Variants in DCHS2 observed in about 807,000 individuals in gnomAD.
The protein encoded by DCHS2 is protocadherin-23.
A neutral mutation model predicts 182.4 loss-of-function variants in DCHS2; 142 were observed. The ratio of observed to expected loss-of-function variants is 0.78; its 90% CI spans 0.68 to 0.89. The LOEUF is 0.89. DCHS2 is among the 40% of genes least tolerant of loss of function. The pLI is 0.00. For synonymous variants in DCHS2, 1,740 were observed against 1,663.3 expected (o/e 1.05, Z -1.12); for missense variants, 4,319 against 4,198.6 (o/e 1.03, Z -0.79).
chr4:154,278,731 A>G (rs2111228373), intron 13 of DCHS2, among the ~76,000 whole-genome samples: 1 of 152,242 alleles, frequency 6.6e-6, no homozygotes, highest in East Asian at 1.9e-4. Flanking sequence ...AGGATGATGT[A>G]CTCAAAGGGC....
At chr4:154,425,689 C>T (rs1479156312) in intron 1 of DCHS2, among the ~76,000 whole-genome samples, 1 of 152,124 alleles carries the variant, frequency 6.6e-6, no homozygotes, top group Non-Finnish European at 1.5e-5. Context: ...CACACAGCTC[C>T]GAGGGAACTC....
chr4:154,325,180 T>TC (rs1180700731), intron 7 of DCHS2, among the ~76,000 whole-genome samples: 1 of 152,112 alleles, frequency 6.6e-6, no homozygotes, highest in Admixed American at 6.6e-5. Flanking sequence ...CAAATCTCAT[T>TC]CCCCTCCTTT....
At chr4:154,366,471 T>G in intron 2 of DCHS2, 30 bp from the exon 3 acceptor site, 1 of 1,515,512 alleles carries the variant, frequency 6.6e-7, no homozygotes, top group Non-Finnish European at 9.1e-7. Context: ...TGATTACAAA[T>G]GGGTTTTTGC....
chr4:154,490,956 C>G lies in DCHS2; in HGVS notation c.400G>C (p.Glu134Gln), dbSNP rs1324541908. The G allele has an allele frequency of 1.3e-6, 2 of 1,550,426 alleles. No homozygotes were observed. The highest frequency in any genetic ancestry group is 1.2e-5 in the South Asian group (1 of 83,984). Residue 134 changes from glutamate to glutamine, a missense_variant, in exon 1 of 20, where the codon GAG becomes CAG. Transcript: ENST00000357232. ...ACGAAGCTGTAGTGGTCCCGCCGCT[C>G]GCGGTCCAGGCGCCGCGCAGTGCGG... ...IIRTARRLDR[E>Q]RRDHYSFVAA...
chr4:154,405,297 CTTTG>C (rs1245685940), intron 1 of DCHS2, among the ~76,000 whole-genome samples: 2 of 151,730 alleles, frequency 1.3e-5, no homozygotes, highest in East Asian at 1.9e-4. Context: ...TTATCTTTAT[CTTTG>C]TTTGGTTTTT....
intron 10 of DCHS2, among the ~76,000 whole-genome samples, chr4:154,306,292 G>A (rs1222917894): frequency 6.6e-6 from 1 of 151,920 alleles, no homozygotes; most frequent in Non-Finnish European, 1.5e-5. Flanking sequence ...TAATAACATA[G>A]GACCAATGTA....
chr4:154,474,982 T>C (rs1296455910), intron 1 of DCHS2, among the ~76,000 whole-genome samples: 2 of 152,170 alleles, frequency 1.3e-5, no homozygotes, highest in Admixed American at 1.3e-4. Context: ...TCCTAAGTTA[T>C]GAACCAGTAG....
rs1173517203 is a variant in DCHS2, at chr4:154,305,094, T to C, written c.5395+3A>G. On this transcript the variant is annotated splice_donor_region_variant and intron_variant, in intron 11 of 19. Coordinates refer to ENST00000357232, the MANE Select transcript of DCHS2 (RefSeq NM_001358235.2). Reference sequence around the variant, plus strand: ...TTTTTAGCCTACTCAAAGAATCCCTTACCTCGAAGGGTGAAGACTTCTTGA... The same window carrying C: ...TTTTTAGCCTACTCAAAGAATCCCTCACCTCGAAGGGTGAAGACTTCTTGA... 1.2e-6 allele frequency: 2 copies of C among 1,600,686 alleles called. No homozygotes were observed. Among genetic ancestry groups the C allele is most frequent in the African/African-American group, 2.7e-5 (2 of 74,320 alleles).
At chr4:154,386,841 A>G (rs1424504043) in intron 1 of DCHS2, among the ~76,000 whole-genome samples, 2 of 152,212 alleles carry the variant, frequency 1.3e-5, no homozygotes, top group Non-Finnish European at 2.9e-5. Flanking sequence ...GGTTCGTGAC[A>G]CTCATCAAAC....
At position 154,311,257 on chromosome 4, in the gene DCHS2, G is replaced by A. The variant is rs544401020; in HGVS notation, c.5260+4491C>T. Among the ~76,000 whole-genome samples, 3 of 152,150 alleles carry A rather than the reference G, an allele frequency of 2.0e-5. No homozygotes were observed. The South Asian group carries it at 6.2e-4, about 32-fold the overall frequency. Reference sequence around the variant, plus strand: ...TCTTTTCTTTTCTTTTTTTAAGACAGCATCTCACTCTGCCACCCAGGCTGG... The same window carrying A: ...TCTTTTCTTTTCTTTTTTTAAGACAACATCTCACTCTGCCACCCAGGCTGG... On this transcript the variant is annotated intron_variant, in intron 10 of 19. Coordinates refer to ENST00000357232, the MANE Select transcript of DCHS2 (RefSeq NM_001358235.2).
At chr4:154,352,055 G>GCA (rs374256511) in intron 3 of DCHS2, among the ~76,000 whole-genome samples, 26 of 150,142 alleles carry the variant, frequency 1.7e-4, no homozygotes, top group African/African-American at 4.6e-4. Flanking sequence ...ACAGACACAT[G>GCA]CACACACACA....
At chr4:154,350,030 C>T (rs1729533718) in intron 3 of DCHS2, among the ~76,000 whole-genome samples, 1 of 152,158 alleles carries the variant, frequency 6.6e-6, no homozygotes, top group Non-Finnish European at 1.5e-5. Context: ...CCTGGCTGCT[C>T]CACCTACTGG....
At chr4:154,256,055 T>C (rs1221659653) in intron 15 of DCHS2, among the ~76,000 whole-genome samples, 1 of 152,208 alleles carries the variant, frequency 6.6e-6, no homozygotes, top group Non-Finnish European at 1.5e-5. Context: ...CACATAGTGA[T>C]AATTTTTTTT....
chr4:154,383,137 T>A (rs1245459258), intron 1 of DCHS2, among the ~76,000 whole-genome samples: 1 of 152,194 alleles, frequency 6.6e-6, no homozygotes, highest in Admixed American at 6.5e-5. Flanking sequence ...ACATATGCAC[T>A]ATGGAATGCT....
intron 13 of DCHS2, among the ~76,000 whole-genome samples, chr4:154,288,186 C>A (rs1734493981): frequency 6.6e-6 from 1 of 151,946 alleles, no homozygotes. Context: ...AGAAACACAC[C>A]TCACCTATGA....
At position 154,329,596 on chromosome 4, in the gene DCHS2, A is replaced by G. The variant is rs368868441; in HGVS notation, c.3845T>C (p.Val1282Ala). 8.7e-5 allele frequency: 140 copies of G among 1,613,310 alleles called. No individual in the cohort carries two copies. The highest frequency in any genetic ancestry group is 2.0e-4 in the Admixed American group (12 of 59,990). Residue 1282 changes from valine to alanine, a missense_variant, in exon 6 of 20, where the codon GTC becomes GCC. Coordinates refer to ENST00000357232, the MANE Select transcript of DCHS2 (RefSeq NM_001358235.2). ...PPRNATMAVY[V>A]SVTDINDNRP... The stretch of plus-strand genomic sequence containing the variant: ...GTTATCATTGATGTCAGTAACTGAG[A>G]CGTAAACCGCCATGGTGGCGTTTCG...
rs1212774554 is a variant in DCHS2, at chr4:154,232,959, A to G, written c.*1577T>C. 1 of 152,186 alleles carries G rather than the reference A, an allele frequency of 6.6e-6. No homozygotes were observed. The highest frequency in any genetic ancestry group is 6.6e-5 in the Admixed American group (1 of 15,264). 9.4% of individuals were successfully genotyped at this position (152,186 alleles called of 1,614,324 possible). ...TAGATAGATAATAGAAAATATCAGC[A>G]TAGGAAGCTGTAGAATTACTTATCT... On this transcript the variant is annotated 3_prime_UTR_variant, in exon 20 of 20. Transcript: ENST00000357232.
chr4:154,416,079 C>T (rs1732820882), intron 1 of DCHS2, among the ~76,000 whole-genome samples: 1 of 152,110 alleles, frequency 6.6e-6, no homozygotes, highest in Non-Finnish European at 1.5e-5. Context: ...TTAATAGGTA[C>T]ATTCAGTCCA....
chr4:154,451,330 G>A (rs890516435), intron 1 of DCHS2, among the ~76,000 whole-genome samples: 1 of 152,198 alleles, frequency 6.6e-6, no homozygotes, highest in Admixed American at 6.5e-5. Flanking sequence ...TTGCTACTGG[G>A]CCTTAATAGA....
Sources: allele counts gnomAD v4.1 joint callset (sites outside exome capture counted in the v4.1 genomes callset), GRCh38; gene constraint gnomAD v4.1.1; transcripts MANE v1.5; gene names NCBI Gene and HGNC (gene_info 2026-07-23, HGNC 2026-07-21).